The following RYR2 variants were observed in gnomAD, a reference collection of about 807,000 sequenced individuals.
RYR2 encodes the protein ryanodine receptor 2, also known as cardiac muscle ryanodine receptor-calcium release channel.
In RYR2, 227 loss-of-function variants were observed where a neutral mutation model predicts 601.1. The ratio of observed to expected loss-of-function variants is 0.38; its 90% CI spans 0.34 to 0.42. The LOEUF (loss-of-function observed/expected upper bound fraction) is 0.42. Among genes scored for constraint, RYR2 ranks in the 10% least tolerant of loss-of-function variants. The pLI is 1.00. For synonymous variants in RYR2, 2,223 were observed against 2,175.1 expected (o/e 1.02, Z -0.61); for missense variants, 4,646 against 6,156.5 (o/e 0.75, Z 8.21).
chr1:237,421,102 G>C (rs1430926273), intron 11 of RYR2, among the ~76,000 whole-genome samples: 3 of 152,146 alleles, frequency 2.0e-5, no homozygotes, highest in Admixed American at 1.3e-4. Context: ...AGCCGGGCGC[G>C]GTGGCTGGCG....
intron 27 of RYR2, among the ~76,000 whole-genome samples, chr1:237,562,514 A>G (rs1018478426): frequency 6.6e-5 from 10 of 152,164 alleles, no homozygotes; most frequent in Non-Finnish European, 1.3e-4. Flanking sequence ...GTGGTGTGTC[A>G]TGCCTGGGAG....
intron 17 of RYR2, among the ~76,000 whole-genome samples, chr1:237,479,316 C>G (rs1661765883): frequency 1.3e-5 from 2 of 152,178 alleles, no homozygotes; most frequent in African/African-American, 2.4e-5. Context: ...TGCTTTTTGT[C>G]AATGTATTGC....
chr1:237,733,563 T>C (rs998976837), intron 78 of RYR2, 142 bp from the exon 79 acceptor site: 1 of 667,894 alleles, frequency 1.5e-6, no homozygotes, highest in Admixed American at 2.3e-5. Flanking sequence ...TATCCTAATA[T>C]TGTCTTAGTT....
chr1:237,059,825 T>A (rs1475659986), intron 1 of RYR2, among the ~76,000 whole-genome samples: 1 of 152,240 alleles, frequency 6.6e-6, no homozygotes, highest in African/African-American at 2.4e-5. Flanking sequence ...ACTATGAATG[T>A]ATTGGATGGA....
chr1:237,356,094 C>A, intron 4 of RYR2, 109 bp downstream of exon 4: 1 of 901,322 alleles, frequency 1.1e-6, no homozygotes, highest in South Asian at 1.5e-5. Context: ...TATTAGTGTT[C>A]AAACTAACTG....
chr1:237,782,465 G>C (rs535881058), intron 89 of RYR2, among the ~76,000 whole-genome samples: 1 of 152,062 alleles, frequency 6.6e-6, no homozygotes, highest in East Asian at 1.9e-4. Flanking sequence ...TTTTCTCTCC[G>C]TGTCTGCCAT....
At chr1:237,400,802 C>A (rs917807997) in intron 10 of RYR2, among the ~76,000 whole-genome samples, 4 of 151,914 alleles carry the variant, frequency 2.6e-5, no homozygotes, top group African/African-American at 7.3e-5. Context: ...GTCATAGTCC[C>A]AAAAAGGAAG....
intron 1 of RYR2, among the ~76,000 whole-genome samples, chr1:237,113,099 G>T (rs1343465785): frequency 6.6e-6 from 1 of 152,080 alleles, no homozygotes; most frequent in African/African-American, 2.4e-5. Flanking sequence ...AATGGTTTCT[G>T]AGGTTCGGTT....
chr1:237,131,756 TG>T (rs1672195828), intron 1 of RYR2, among the ~76,000 whole-genome samples: 1 of 152,132 alleles, frequency 6.6e-6, no homozygotes, highest in African/African-American at 2.4e-5. Flanking sequence ...AGTCTTGCTC[TG>T]TCACCCAGGC....
At chr1:237,308,620 C>A (rs12729600) in intron 2 of RYR2, among the ~76,000 whole-genome samples, 51,199 of 151,850 alleles carry the variant, frequency 0.34, 8,847 homozygotes, top group South Asian at 0.5. Context: ...TTCGGAGTTT[C>A]TTCCTTCTGG....
intron 1 of RYR2, among the ~76,000 whole-genome samples, chr1:237,054,988 T>G (rs970595652): frequency 1.3e-5 from 2 of 152,182 alleles, no homozygotes; most frequent in Non-Finnish European, 2.9e-5. Flanking sequence ...TTTCCTTTCC[T>G]TGTTGGCTCA....
At chr1:237,680,407 C>T (rs1340518991) in intron 61 of RYR2, 49 bp from the exon 62 acceptor site, 3 of 1,557,478 alleles carry the variant, frequency 1.9e-6, no homozygotes, top group Non-Finnish European at 2.6e-6. Context: ...CCCATTCATC[C>T]CCTGAAAGAT....
intron 1 of RYR2, among the ~76,000 whole-genome samples, chr1:237,247,998 G>T (rs1302526361): frequency 2.6e-5 from 4 of 152,144 alleles, no homozygotes; most frequent in African/African-American, 7.2e-5. Context: ...CATTGGCCGG[G>T]CACGGTGGCT....
At chr1:237,364,000 T>C (rs16835170) in intron 4 of RYR2, among the ~76,000 whole-genome samples, 48,982 of 152,028 alleles carry the variant, frequency 0.32, 8,104 homozygotes, top group Non-Finnish European at 0.33. Flanking sequence ...ATGCAAAAGA[T>C]GCAAGTTGGT....
chr1:237,216,903 G>A (rs919691716), intron 1 of RYR2, among the ~76,000 whole-genome samples: 6 of 152,170 alleles, frequency 3.9e-5, no homozygotes, highest in Non-Finnish European at 8.8e-5. Context: ...CCAGTGCTTT[G>A]TGCATAGTGG....
Position 237,788,073 on chromosome 1 carries a change from G to A in RYR2, c.13414G>A (p.Glu4472Lys). 1 of 1,612,372 alleles carries A rather than the reference G, an allele frequency of 6.2e-7. No individual in the cohort carries two copies. Among genetic ancestry groups the A allele is most frequent in the Non-Finnish European group, 8.5e-7 (1 of 1,179,070 alleles). Reference sequence around the variant, plus strand: ...GCAGCTTCACACACACAGATACGGAGAACCAGAAGTGCCAGAGTCAGCATT... The same window carrying A: ...GCAGCTTCACACACACAGATACGGAAAACCAGAAGTGCCAGAGTCAGCATT... Reference protein sequence around the residue: ...LRQLHTHRYGEPEVPESAFWK... With the variant: ...LRQLHTHRYGKPEVPESAFWK... Residue 4472 changes from glutamate to lysine, a missense_variant, in exon 92 of 105, where the codon GAA becomes AAA. This residue lies in a region of RYR2 where 364 missense variants were observed against 442.9 expected (regional missense o/e 0.82). Coordinates refer to ENST00000366574, the MANE Select transcript of RYR2 (RefSeq NM_001035.3).
chr1:237,301,092 G>A (rs539066790), intron 2 of RYR2, among the ~76,000 whole-genome samples: 1 of 152,094 alleles, frequency 6.6e-6, no homozygotes, highest in Non-Finnish European at 1.5e-5. Context: ...TGCTGACTTT[G>A]CAGTGCCCAG....
chr1:237,163,355 A>ACCCCCCCCCCCCCCC (rs67343728), intron 1 of RYR2, among the ~76,000 whole-genome samples: 6 of 90,278 alleles, frequency 6.6e-5, no homozygotes, highest in African/African-American at 3.0e-4. Flanking sequence ...CCAACCCCCT[A>ACCCCCCCCCCCCCCC]CCCCCCCCAC....
chr1:237,068,869 A>G (rs1160149801), intron 1 of RYR2, among the ~76,000 whole-genome samples: 1 of 152,008 alleles, frequency 6.6e-6, no homozygotes, highest in Non-Finnish European at 1.5e-5. Flanking sequence ...TTTTCTTCCA[A>G]CCTGCTCCTA....
Sources: allele counts gnomAD v4.1 joint callset (sites outside exome capture counted in the v4.1 genomes callset), GRCh38; gene constraint gnomAD v4.1.1; regional missense constraint gnomAD v4.1.1; transcripts MANE v1.5; gene names NCBI Gene and HGNC (gene_info 2026-07-23, HGNC 2026-07-21).